The following AATF variants were observed in gnomAD, a reference collection of about 807,000 sequenced individuals.
AATF encodes the protein protein AATF.
Under a neutral mutation model 63.7 loss-of-function variants are expected in AATF, and 48 were observed. The observed-to-expected ratio is 0.75, with a 90% confidence interval of 0.60 to 0.96. The LOEUF is 0.96. Among genes scored for constraint, AATF ranks in the 40% least tolerant of loss-of-function variants. The probability of loss-of-function intolerance (pLI) is 0.00; values close to 1 mark genes in which losing one functional copy is unlikely to be tolerated. For synonymous variants in AATF, 258 were observed against 247.7 expected (o/e 1.04, Z -0.39); for missense variants, 639 against 685.7 (o/e 0.93, Z 0.76).
chr17:37,009,015 A>G (rs1233392256), intron 8 of AATF, among the ~76,000 whole-genome samples: 1 of 152,232 alleles, frequency 6.6e-6, no homozygotes, highest in Non-Finnish European at 1.5e-5. Flanking sequence ...ATTTCCTGAG[A>G]AGAACCAACT....
At chr17:37,028,794 A>G (rs1037434579) in intron 10 of AATF, among the ~76,000 whole-genome samples, 5 of 152,286 alleles carry the variant, frequency 3.3e-5, no homozygotes, top group South Asian at 2.1e-4. Context: ...AACAACAACA[A>G]CAGCAACAAA....
intron 8 of AATF, among the ~76,000 whole-genome samples, chr17:37,013,485 G>T (rs1353921868): frequency 6.6e-6 from 1 of 152,194 alleles, no homozygotes; most frequent in South Asian, 2.1e-4. Context: ...GTTCATGAAG[G>T]AAGGCGGAGG....
intron 9 of AATF, among the ~76,000 whole-genome samples, chr17:37,020,423 TAAACAATTTA>T (rs2071460433): frequency 6.6e-6 from 1 of 151,102 alleles, no homozygotes; most frequent in African/African-American, 2.5e-5. Context: ...TTAAACAATT[TAAACAATTTA>T]AAACAATTAA....
At chr17:37,009,784 T>TC (rs1003190087) in intron 8 of AATF, among the ~76,000 whole-genome samples, 10 of 124,178 alleles carry the variant, frequency 8.1e-5, no homozygotes, top group Non-Finnish European at 1.6e-4. Flanking sequence ...GCCACTGCAG[T>TC]CCGCAGTCTG....
intron 4 of AATF, among the ~76,000 whole-genome samples, chr17:36,971,781 T>C (rs1214352597): frequency 6.6e-6 from 1 of 152,206 alleles, no homozygotes; most frequent in African/African-American, 2.4e-5. Context: ...TTATACTAAG[T>C]GAAATATGCC....
intron 4 of AATF, among the ~76,000 whole-genome samples, chr17:36,965,896 TG>T (rs2070987917): frequency 6.6e-6 from 1 of 152,076 alleles, no homozygotes; most frequent in Admixed American, 6.6e-5. Context: ...TTTATAGAGA[TG>T]GGGTCTTGCA....
At chr17:37,022,113 C>CGTGTGTGT (rs71159679) in intron 10 of AATF, among the ~76,000 whole-genome samples, 2,970 of 145,372 alleles carry the variant, frequency 0.02, 77 homozygotes, top group African/African-American at 0.064. Context: ...TGGTAACTGC[C>CGTGTGTGT]GTGTGTGTGT....
chr17:36,973,767 A>C (rs1183312490), intron 4 of AATF, among the ~76,000 whole-genome samples: 1 of 152,192 alleles, frequency 6.6e-6, no homozygotes, highest in Non-Finnish European at 1.5e-5. Context: ...TCCTTATATA[A>C]AATTTAGAAA....
chr17:37,006,894 A>G lies in AATF; in HGVS notation c.1399-12111A>G, dbSNP rs540357230. On this transcript the variant is annotated intron_variant, in intron 8 of 11. Coordinates refer to ENST00000619387, the MANE Select transcript of AATF (RefSeq NM_012138.4). ...GAGTGGAGGCATGCTGCAACGCAGA[A>G]TCAAAAAGTGGAAAAACTAATCAAA... Among the ~76,000 whole-genome samples the G allele has an allele frequency of 7.9e-5, 12 of 152,360 alleles. No homozygotes were observed. In the East Asian group the frequency reaches 2.3e-3, roughly 29 times the overall value.
intron 11 of AATF, among the ~76,000 whole-genome samples, chr17:37,048,351 A>C (rs542556600): frequency 2.8e-5 from 4 of 144,328 alleles, no homozygotes. Context: ...TGGGGAGCTA[A>C]GTTTTTCTTT....
chr17:37,041,296 G>A (rs2071637927), intron 11 of AATF, among the ~76,000 whole-genome samples: 3 of 152,116 alleles, frequency 2.0e-5, no homozygotes, highest in South Asian at 2.1e-4. Context: ...TAGGTTGTTT[G>A]TAGTTGCCTT....
intron 11 of AATF, chr17:37,045,406 T>C (rs2071680915): frequency 6.6e-6 from 1 of 152,204 alleles, no homozygotes; most frequent in South Asian, 2.1e-4. Flanking sequence ...GTGTTTGGAG[T>C]CTCAGTAGCT....
In AATF at chr17:37,056,735, T is replaced by C; in HGVS notation, c.*71T>C. On this transcript the variant is annotated 3_prime_UTR_variant, in exon 12 of 12. Transcript: ENST00000619387. ...TGCTGGTCCAGATGGAGGAAACCAG[T>C]GACTTTATGGGGCTGAGCTAGTAGG... The C allele has an allele frequency of 6.6e-7, 1 of 1,514,980 alleles. No individual in the cohort carries two copies. Among genetic ancestry groups the C allele is most frequent in the Non-Finnish European group, 9.2e-7 (1 of 1,092,590 alleles). 93.8% of individuals were successfully genotyped at this position (1,514,980 alleles called of 1,614,324 possible).
chr17:36,992,137 A>G (rs986088498), intron 8 of AATF, among the ~76,000 whole-genome samples: 3 of 152,226 alleles, frequency 2.0e-5, no homozygotes, highest in Non-Finnish European at 4.4e-5. Context: ...GGAAAATTAC[A>G]TGTAAAGTCA....
intron 4 of AATF, among the ~76,000 whole-genome samples, chr17:36,982,233 G>GTTTTTTTTTTTTTTT (rs61030839): frequency 8.2e-6 from 1 of 121,756 alleles, no homozygotes; most frequent in African/African-American, 2.9e-5. Flanking sequence ...TTTTTGTTTT[G>GTTTTTTTTTTTTTTT]TTTTTTTTTT....
Position 36,952,038 on chromosome 17 carries a change from T to C in AATF, c.284-848T>C, listed in dbSNP as rs371743814. ...CATAAGTCAAACAAAGAGCCTTAAC[T>C]AGCACTCTGTCTACTATAGGATCAA... is the stretch of plus-strand genomic sequence containing the variant. On this transcript the variant is annotated intron_variant, in intron 2 of 11. Transcript: ENST00000619387. Among the ~76,000 whole-genome samples, 38 of 152,352 alleles carry C rather than the reference T, an allele frequency of 2.5e-4. No homozygotes were observed. The East Asian group carries it at 4.6e-3, about 19-fold the overall frequency.
chr17:37,045,890 CT>C (rs2071685845), intron 11 of AATF: 1 of 152,234 alleles, frequency 6.6e-6, no homozygotes, highest in Non-Finnish European at 1.5e-5. Context: ...GAAAGCTCAC[CT>C]GGCAGGTGTT....
chr17:36,978,844 T>G (rs1333066902), intron 4 of AATF, among the ~76,000 whole-genome samples: 1 of 151,766 alleles, frequency 6.6e-6, no homozygotes. Context: ...CAAACAGTAA[T>G]ACTGACAGAA....
chr17:37,044,485 T>C (rs2071672159), intron 11 of AATF, among the ~76,000 whole-genome samples: 1 of 152,190 alleles, frequency 6.6e-6, no homozygotes, highest in Non-Finnish European at 1.5e-5. Context: ...AGAACACTCT[T>C]ACATGTCCAT....
Sources: allele counts gnomAD v4.1 joint callset (sites outside exome capture counted in the v4.1 genomes callset), GRCh38; gene constraint gnomAD v4.1.1; transcripts MANE v1.5; gene names NCBI Gene and HGNC (gene_info 2026-07-23, HGNC 2026-07-21).